Variants in NALF1 observed in about 807,000 individuals in gnomAD.
NALF1 encodes the protein family with sequence similarity 155 member A.
NALF1 carries 3 observed loss-of-function variants against 48.4 expected under a neutral mutation model. The ratio of observed to expected loss-of-function variants is 0.06; its 90% CI spans 0.03 to 0.16. NALF1 has a LOEUF of 0.16. Ranked by LOEUF, NALF1 falls within the 10% of genes least tolerant of loss-of-function variation. The pLI is 1.00. For synonymous variants in NALF1, 262 were observed against 245.7 expected, an observed-to-expected ratio of 1.07 and a Z score of -0.62; for missense variants, 526 against 571.5, an observed-to-expected ratio of 0.92 and a Z score of 0.81.
At chr13:107,677,413 C>A (rs746819986) in intron 1 of NALF1, among the ~76,000 whole-genome samples, 4 of 152,280 alleles carry the variant, frequency 2.6e-5, no homozygotes, top group South Asian at 4.1e-4. Context: ...ATATCAGGAG[C>A]CTTAATAAGG....
At chr13:107,359,348 G>A (rs978476985) in intron 1 of NALF1, among the ~76,000 whole-genome samples, 1 of 151,980 alleles carries the variant, frequency 6.6e-6, no homozygotes, top group African/African-American at 2.4e-5. Flanking sequence ...TGAGGTCTGA[G>A]ATACTATGGT....
At chr13:107,492,032 GT>G (rs762750416) in intron 1 of NALF1, among the ~76,000 whole-genome samples, 1 of 103,372 alleles carries the variant, frequency 9.7e-6, no homozygotes, top group East Asian at 2.6e-4. Flanking sequence ...GCCTGTCTGG[GT>G]TTTTTTTTGT....
At chr13:107,756,490 T>C (rs1025151571) in intron 1 of NALF1, among the ~76,000 whole-genome samples, 31 of 149,746 alleles carry the variant, frequency 2.1e-4, no homozygotes, top group African/African-American at 7.4e-4. Context: ...AAAACATAAA[T>C]ACATAAATCT....
intron 1 of NALF1, among the ~76,000 whole-genome samples, chr13:107,712,077 TA>T (rs1231802920): frequency 3.8e-4 from 55 of 144,422 alleles, no homozygotes; most frequent in East Asian, 8.1e-4. Context: ...CCTTCCACAC[TA>T]AAAAAAAAAA....
At chr13:107,620,834 G>A (rs1452502898) in intron 1 of NALF1, among the ~76,000 whole-genome samples, 1 of 152,198 alleles carries the variant, frequency 6.6e-6, no homozygotes, top group African/African-American at 2.4e-5. Flanking sequence ...TGAGGGAGGT[G>A]TCCGCCCATT....
intron 1 of NALF1, among the ~76,000 whole-genome samples, chr13:107,338,784 C>T (rs1882610516): frequency 6.6e-6 from 1 of 152,096 alleles, no homozygotes. Context: ...TAATGTTGGA[C>T]CTGTTTGCCC....
rs560430835 is a variant in NALF1, at chr13:107,308,351, G to A, written c.916-97596C>T. Among the ~76,000 whole-genome samples the A allele has an allele frequency of 9.2e-5, 14 of 151,886 alleles. No homozygotes were observed. The East Asian group carries it at 1.4e-3, about 15-fold the overall frequency. ...TGAGTAGCTGGGACTAAAGGTACCC[G>A]CCACCACGCCCGGCTAATTTTTTTG... On this transcript the variant is annotated intron_variant, in intron 1 of 2. Transcript: ENST00000375915.
At chr13:107,831,539 A>T (rs906316558) in intron 1 of NALF1, among the ~76,000 whole-genome samples, 2 of 152,330 alleles carry the variant, frequency 1.3e-5, no homozygotes, top group South Asian at 2.1e-4. Flanking sequence ...AAAGAAAAAA[A>T]AAGACATGTT....
Position 107,726,912 on chromosome 13 carries a change from CTTGTGTGTGT to C in NALF1, c.915+138760_915+138769del, listed in dbSNP as rs1266784207. 1.1e-3 allele frequency among the ~76,000 whole-genome samples: 112 copies of C among 97,424 alleles called. 1 individual carries two copies. In the East Asian group the frequency reaches 0.017, roughly 15 times the overall value. The allele number at this position is 97,424 out of a possible 152,430, so 63.9% of individuals were successfully genotyped here. A position where few individuals can be genotyped will look rare whatever the true frequency, so the allele number is the denominator to read the frequency against. ...AGACACCACGCCCGGCCGGCAAATTCTTGTGTGTGTGTGTGTGTGTGTGTGTGTGTGTGTG... is the reference window on the plus strand; with the variant it reads ...AGACACCACGCCCGGCCGGCAAATTCGTGTGTGTGTGTGTGTGTGTGTGTG... On this transcript the variant is annotated intron_variant, in intron 1 of 2. Transcript: ENST00000375915.
At position 107,415,412 on chromosome 13, in the gene NALF1, CTT is replaced by C. The variant is rs551214789; in HGVS notation, c.916-204659_916-204658del. Among the ~76,000 whole-genome samples the C allele has an allele frequency of 4.6e-5, 7 of 150,976 alleles. No individual in the cohort carries two copies. The South Asian group carries it at 1.5e-3, about 32-fold the overall frequency. ...TTTTTCTTTTTCTGTGTGAAACAGA[CTT>C]TTCTGCTTGAAAGCAACAGTACATA... On this transcript the variant is annotated intron_variant, in intron 1 of 2. Transcript: ENST00000375915.
At chr13:107,373,005 T>C (rs1418645677) in intron 1 of NALF1, among the ~76,000 whole-genome samples, 1 of 152,224 alleles carries the variant, frequency 6.6e-6, no homozygotes, top group Non-Finnish European at 1.5e-5. Flanking sequence ...TTTCTTTCTC[T>C]ATCTGTAAAC....
intron 1 of NALF1, among the ~76,000 whole-genome samples, chr13:107,706,126 G>A (rs1881940752): frequency 6.6e-6 from 1 of 152,120 alleles, no homozygotes; most frequent in South Asian, 2.1e-4. Flanking sequence ...TTGTTCTATA[G>A]CCTGCTAAAG....
intron 1 of NALF1, among the ~76,000 whole-genome samples, chr13:107,389,899 A>T (rs528860325): frequency 6.6e-6 from 1 of 152,322 alleles, no homozygotes; most frequent in East Asian, 1.9e-4. Context: ...CAAAGAACTT[A>T]GATTTAATAG....
At chr13:107,679,225 A>G (rs886543673) in intron 1 of NALF1, among the ~76,000 whole-genome samples, 2 of 152,252 alleles carry the variant, frequency 1.3e-5, no homozygotes, top group Non-Finnish European at 2.9e-5. Flanking sequence ...TTCACATCAA[A>G]AAAAATTATG....
intron 1 of NALF1, among the ~76,000 whole-genome samples, chr13:107,749,073 A>G (rs934065557): frequency 1.3e-5 from 2 of 151,950 alleles, no homozygotes; most frequent in Non-Finnish European, 2.9e-5. Flanking sequence ...TCCTTGGGAA[A>G]TGGGTGATGA....
chr13:107,336,204 T>G lies in NALF1; in HGVS notation c.916-125449A>C, dbSNP rs535728444. Among the ~76,000 whole-genome samples the G allele has an allele frequency of 3.3e-5, 5 of 152,006 alleles. No homozygotes were observed. In the South Asian group the frequency reaches 1.0e-3, roughly 32 times the overall value. Reference sequence around the variant, plus strand: ...CTGTCCTCTATCAAAAATACAAAATTTAGCCTGACATGGTGGTGCATGCCT... The same window carrying G: ...CTGTCCTCTATCAAAAATACAAAATGTAGCCTGACATGGTGGTGCATGCCT... On this transcript the variant is annotated intron_variant, in intron 1 of 2. Transcript: ENST00000375915.
chr13:107,329,039 C>T (rs989706845), intron 1 of NALF1, among the ~76,000 whole-genome samples: 10 of 152,182 alleles, frequency 6.6e-5, no homozygotes, highest in African/African-American at 2.2e-4. Flanking sequence ...AAATGAGGTA[C>T]AGTGTTTCAC....
At chr13:107,762,631 C>T (rs965500663) in intron 1 of NALF1, among the ~76,000 whole-genome samples, 1 of 151,806 alleles carries the variant, frequency 6.6e-6, no homozygotes, top group Admixed American at 6.6e-5. Flanking sequence ...GGAGTCAGTT[C>T]AAGGAAGTTT....
chr13:107,399,455 T>TACACACACAC (rs35237023), intron 1 of NALF1, among the ~76,000 whole-genome samples: 11 of 150,950 alleles, frequency 7.3e-5, no homozygotes, highest in African/African-American at 2.7e-4. Context: ...CACATTCACG[T>TACACACACAC]ACACACACAC....
Sources: allele counts gnomAD v4.1 joint callset (sites outside exome capture counted in the v4.1 genomes callset), GRCh38; gene constraint gnomAD v4.1.1; transcripts MANE v1.5; gene names NCBI Gene and HGNC (gene_info 2026-07-23, HGNC 2026-07-21).